CRIM1: variants seen among roughly 807,000 people sequenced by gnomAD.
CRIM1 encodes the protein cysteine rich transmembrane BMP regulator 1.
In CRIM1, 32 loss-of-function variants were observed where a neutral mutation model predicts 116.4. That is an observed-to-expected ratio of 0.27 (90% CI 0.21 to 0.37). The LOEUF is 0.37. Among genes scored for constraint, CRIM1 ranks in the 10% least tolerant of loss-of-function variants. The pLI is 1.00. For missense variants in CRIM1, 1,331 were observed against 1,354.8 expected (o/e 0.98, Z 0.28); for synonymous variants, 590 against 509.2 (o/e 1.16, Z -2.13).
At chr2:36,469,201 A>C (rs1572807700) in intron 5 of CRIM1, among the ~76,000 whole-genome samples, 1 of 152,216 alleles carries the variant, frequency 6.6e-6, no homozygotes, top group Middle Eastern at 3.4e-3. Context: ...TGGTGGGTGG[A>C]TGGGGTGGGG....
chr2:36,440,530 C>T (rs848507), intron 2 of CRIM1, among the ~76,000 whole-genome samples: 80,106 of 151,992 alleles, frequency 0.53, 21,250 homozygotes, highest in Admixed American at 0.58. Context: ...GCTCCTCCAT[C>T]GTAAAATCTG....
chr2:36,394,143 A>G (rs1372952564), intron 1 of CRIM1, among the ~76,000 whole-genome samples: 3 of 152,160 alleles, frequency 2.0e-5, no homozygotes, highest in Admixed American at 2.0e-4. Flanking sequence ...AATAGGATCA[A>G]CTCAATAACT....
chr2:36,499,350 G>A lies in CRIM1; in HGVS notation c.1501+3G>A. On this transcript the variant is annotated splice_donor_region_variant and intron_variant, in intron 8 of 16. Coordinates refer to ENST00000280527, the MANE Select transcript of CRIM1 (RefSeq NM_016441.3). ...TCGGACCTGTCAGTGCATAAACAGTGAGTAGACAGAAGACTGTATGTTTTT... is the reference window on the plus strand; with the variant it reads ...TCGGACCTGTCAGTGCATAAACAGTAAGTAGACAGAAGACTGTATGTTTTT... 1.2e-6 allele frequency: 2 copies of A among 1,613,842 alleles called. No individual in the cohort carries two copies.
chr2:36,447,291 A>G (rs973062619), intron 4 of CRIM1, among the ~76,000 whole-genome samples: 1 of 152,174 alleles, frequency 6.6e-6, no homozygotes, highest in Non-Finnish European at 1.5e-5. Flanking sequence ...TTTTTTGATA[A>G]CAATGTTTTG....
chr2:36,374,852 G>T lies in CRIM1; in HGVS notation c.331+18229G>T, dbSNP rs557242663. Among the ~76,000 whole-genome samples the T allele has an allele frequency of 3.4e-4, 34 of 98,892 alleles. 1 individual carries two copies. In the East Asian group the frequency reaches 8.8e-3, roughly 26 times the overall value. 64.9% of individuals were successfully genotyped at this position (98,892 alleles called of 152,430 possible). A position where few individuals can be genotyped will look rare whatever the true frequency, so the allele number is the denominator to read the frequency against. On this transcript the variant is annotated intron_variant, in intron 1 of 16. Coordinates refer to ENST00000280527, the MANE Select transcript of CRIM1 (RefSeq NM_016441.3). ...CTAGGCTCATGGCATGAGGGCTGTG[G>T]CTCTTGATGTTTTTTTTTTTGATGT...
At chr2:36,477,872 C>T (rs1679107582) in intron 6 of CRIM1, among the ~76,000 whole-genome samples, 1 of 152,218 alleles carries the variant, frequency 6.6e-6, no homozygotes, top group African/African-American at 2.4e-5. Context: ...AGTCACTTTA[C>T]ACTGCAGCCA....
intron 14 of CRIM1, among the ~76,000 whole-genome samples, chr2:36,538,802 AAATGAG>A (rs1324636694): frequency 6.6e-6 from 1 of 152,232 alleles, no homozygotes; most frequent in African/African-American, 2.4e-5. Flanking sequence ...TAAGTGCTTT[AAATGAG>A]AATAAGAAAA....
Position 36,549,041 on chromosome 2 carries a change from T to A in CRIM1, c.*340T>A, listed in dbSNP as rs755372533. Reference sequence around the variant, plus strand: ...GGGTGGTGTTGGGAAGAAAAATTGGTCAGCTTGGCTCGGGGAGAAACCTGG... The same window carrying A: ...GGGTGGTGTTGGGAAGAAAAATTGGACAGCTTGGCTCGGGGAGAAACCTGG... On this transcript the variant is annotated 3_prime_UTR_variant, in exon 17 of 17. Coordinates refer to ENST00000280527, the MANE Select transcript of CRIM1 (RefSeq NM_016441.3). 1 of 167,770 alleles carries A rather than the reference T, an allele frequency of 6.0e-6. No homozygotes were observed. The highest frequency in any genetic ancestry group is 6.2e-5 in the Admixed American group (1 of 16,090). 10.4% of individuals were successfully genotyped at this position (167,770 alleles called of 1,614,324 possible).
At chr2:36,483,603 C>G (rs562844233) in intron 7 of CRIM1, among the ~76,000 whole-genome samples, 4 of 152,312 alleles carry the variant, frequency 2.6e-5, no homozygotes, top group African/African-American at 9.6e-5. Flanking sequence ...TGGACAGTGC[C>G]TCTGCGCTGC....
At chr2:36,418,260 ACT>A (rs1211661584) in intron 2 of CRIM1, among the ~76,000 whole-genome samples, 1 of 151,866 alleles carries the variant, frequency 6.6e-6, no homozygotes, top group Admixed American at 6.6e-5. Flanking sequence ...AACACGACAG[ACT>A]CTTCTTTGAG....
At chr2:36,359,513 G>T (rs1484173030) in intron 1 of CRIM1, among the ~76,000 whole-genome samples, 1 of 152,082 alleles carries the variant, frequency 6.6e-6, no homozygotes, top group Non-Finnish European at 1.5e-5. Context: ...CACAGCCTTA[G>T]GTTTTTAAGG....
At chr2:36,485,711 A>G (rs1294489160) in intron 7 of CRIM1, among the ~76,000 whole-genome samples, 2 of 152,252 alleles carry the variant, frequency 1.3e-5, no homozygotes, top group Non-Finnish European at 2.9e-5. Flanking sequence ...AGTGAAGTCA[A>G]AGATGCCATA....
At chr2:36,433,016 C>G (rs1187770477) in intron 2 of CRIM1, among the ~76,000 whole-genome samples, 1 of 152,160 alleles carries the variant, frequency 6.6e-6, no homozygotes, top group African/African-American at 2.4e-5. Context: ...GCCCCACTCC[C>G]AGCATTTCTG....
At position 36,514,410 on chromosome 2, in the gene CRIM1, C is replaced by T. The variant is rs543621721; in HGVS notation, c.1990+645C>T. On this transcript the variant is annotated intron_variant, in intron 11 of 16. Transcript: ENST00000280527. ...TTATAACCATAAACTTCATCTAGTA[C>T]GTTTTATCCAAAGAGCTCAACACAG... Among the ~76,000 whole-genome samples the T allele has an allele frequency of 1.3e-4, 20 of 152,214 alleles. No homozygotes were observed. The South Asian group carries it at 2.3e-3, about 17-fold the overall frequency.
intron 1 of CRIM1, among the ~76,000 whole-genome samples, chr2:36,369,784 C>T (rs1669830080): frequency 6.6e-6 from 1 of 152,184 alleles, no homozygotes; most frequent in Non-Finnish European, 1.5e-5. Flanking sequence ...ATTTCTGTAG[C>T]ATCAGCCACT....
chr2:36,461,963 G>T (rs138372198), intron 4 of CRIM1, among the ~76,000 whole-genome samples: 2 of 152,206 alleles, frequency 1.3e-5, no homozygotes, highest in Non-Finnish European at 2.9e-5. Context: ...CTAATTTCAC[G>T]TTCAGGGGAA....
At position 36,517,426 on chromosome 2, in the gene CRIM1, C is replaced by A; in HGVS notation, c.2090C>A (p.Ser697Tyr). 6.2e-7 allele frequency: 1 copy of A among 1,614,220 alleles called. No individual in the cohort carries two copies. Among genetic ancestry groups the A allele is most frequent in the South Asian group, 1.1e-5 (1 of 91,082 alleles). ...GAAGGAGAAACGTGGAACATTGACT[C>A]CTGTACTCAGTGCACCTGCCACAGC... Reference protein sequence around the residue: ...FVEGETWNIDSCTQCTCHSGR... With the variant: ...FVEGETWNIDYCTQCTCHSGR... Residue 697 changes from serine to tyrosine, a missense_variant, in exon 12 of 17, where the codon TCC becomes TAC. Ser to Tyr is a moderately radical substitution (Grantham distance 144). Around this residue, in one of 3 missense-constraint regions of CRIM1, gnomAD observed 358 missense variants for 436.1 expected, o/e 0.82. Coordinates refer to ENST00000280527, the MANE Select transcript of CRIM1 (RefSeq NM_016441.3).
At chr2:36,379,776 A>T (rs1329423091) in intron 1 of CRIM1, among the ~76,000 whole-genome samples, 2 of 142,352 alleles carry the variant, frequency 1.4e-5, no homozygotes, top group African/African-American at 5.3e-5. Context: ...AAGAAAAGCA[A>T]TTGCTTAGAA....
chr2:36,509,945 A>C (rs767921061), intron 8 of CRIM1, 38 bp from the exon 9 acceptor site: 1 of 1,600,482 alleles, frequency 6.2e-7, no homozygotes, highest in Admixed American at 1.7e-5. Context: ...TGCTCTGTTC[A>C]TCTTTGGAAG....
Sources: gnomAD v4.1 joint callset for allele counts (sites outside exome capture counted in the v4.1 genomes callset) on GRCh38, gnomAD v4.1.1 for gene constraint, gnomAD v4.1.1 regional missense constraint, MANE v1.5 for transcripts, NCBI Gene and HGNC (gene_info 2026-07-23, HGNC 2026-07-21) for gene names.